The following XRN1 variants were observed in gnomAD, a reference collection of about 807,000 sequenced individuals.
XRN1 encodes the protein 5'-3' exoribonuclease 1.
In XRN1, 67 loss-of-function variants were observed where a neutral mutation model predicts 222.3. That is an observed-to-expected ratio of 0.30 (90% CI 0.25 to 0.37). The LOEUF is 0.37. Among genes scored for constraint, XRN1 ranks in the 10% least tolerant of loss-of-function variants. The pLI, the probability that XRN1 is intolerant of heterozygous loss-of-function variation, is 1.00. For missense variants in XRN1, 1,707 were observed against 2,000.2 expected, an observed-to-expected ratio of 0.85 and a Z score of 2.80; for synonymous variants, 643 against 652.4, an observed-to-expected ratio of 0.99 and a Z score of 0.22.
chr3:142,376,962 AG>A (rs1191295698), intron 23 of XRN1, among the ~76,000 whole-genome samples: 2 of 152,170 alleles, frequency 1.3e-5, no homozygotes, highest in African/African-American at 2.4e-5. Flanking sequence ...TATTCCAAGC[AG>A]GGCCTAGCAA....
intron 33 of XRN1, among the ~76,000 whole-genome samples, chr3:142,343,140 A>G (rs1027915836): frequency 1.3e-5 from 2 of 152,136 alleles, no homozygotes; most frequent in Non-Finnish European, 2.9e-5. Flanking sequence ...TTCTCAAAAC[A>G]AGAGGCATAA....
intron 27 of XRN1, among the ~76,000 whole-genome samples, chr3:142,368,811 A>G (rs1170388136): frequency 2.0e-5 from 3 of 152,220 alleles, no homozygotes; most frequent in Admixed American, 2.0e-4. Context: ...GACTATAATC[A>G]CAGCTCTTCA....
chr3:142,339,475 A>T (rs563121261), intron 33 of XRN1, among the ~76,000 whole-genome samples: 23 of 152,342 alleles, frequency 1.5e-4, no homozygotes, highest in Non-Finnish European at 2.9e-4. Context: ...ACAAGCCCAG[A>T]CTTTGAAGAC....
intron 33 of XRN1, among the ~76,000 whole-genome samples, chr3:142,342,729 T>C (rs1431387297): frequency 1.3e-5 from 2 of 152,060 alleles, no homozygotes; most frequent in Non-Finnish European, 2.9e-5. Flanking sequence ...TGGATATCCA[T>C]GTGCAGAAAA....
At chr3:142,312,890 C>T in intron 39 of XRN1, 132 bp from the exon 40 acceptor site, 1 of 966,640 alleles carries the variant, frequency 1.0e-6, no homozygotes, top group Non-Finnish European at 1.5e-6. Context: ...ACTTACTTCA[C>T]CTATAATTAC....
intron 1 of XRN1, among the ~76,000 whole-genome samples, chr3:142,436,240 T>A (rs1277951133): frequency 1.3e-5 from 2 of 152,164 alleles, no homozygotes; most frequent in South Asian, 2.1e-4. Flanking sequence ...AGACTGATGT[T>A]ACCCAGTATT....
intron 14 of XRN1, among the ~76,000 whole-genome samples, chr3:142,413,846 G>T (rs931641668): frequency 1.3e-5 from 2 of 152,180 alleles, no homozygotes; most frequent in Non-Finnish European, 2.9e-5. Flanking sequence ...GATTTTGTCG[G>T]TTTTAGCCTA....
intron 36 of XRN1, among the ~76,000 whole-genome samples, chr3:142,330,867 C>T (rs928660017): frequency 1.5e-4 from 23 of 152,040 alleles, no homozygotes; most frequent in South Asian, 6.2e-4. Flanking sequence ...AGTGTGATGG[C>T]GTGATCTTGG....
rs2067124681 is a variant in XRN1 at position 142,375,797 on chromosome 3, CCTCT to C, written c.2975_2978del (p.Arg993LeufsTer8). Reference sequence around the variant, plus strand: ...CTACTAGTATCTTATTATGTACTTACCTCTCTAAGTACTCTGCCAGAAGTTGTTC... The same window carrying C: ...CTACTAGTATCTTATTATGTACTTACCTAAGTACTCTGCCAGAAGTTGTTC... On this transcript the variant is annotated frameshift_variant and splice_region_variant, in exon 25 of 41. Transcript: ENST00000392981. LOFTEE classifies it high-confidence loss of function. 1 of 1,611,446 alleles carries C rather than the reference CCTCT, an allele frequency of 6.2e-7. No homozygotes were observed. The highest frequency in any genetic ancestry group is 8.5e-7 in the Non-Finnish European group (1 of 1,178,852).
intron 1 of XRN1, among the ~76,000 whole-genome samples, chr3:142,438,230 A>G (rs920670904): frequency 6.6e-6 from 1 of 152,174 alleles, no homozygotes; most frequent in African/African-American, 2.4e-5. Flanking sequence ...CAGGACTGCT[A>G]CATTGGGGAG....
chr3:142,329,007 C>T (rs1477869750), intron 37 of XRN1, among the ~76,000 whole-genome samples: 1 of 151,790 alleles, frequency 6.6e-6, no homozygotes, highest in Non-Finnish European at 1.5e-5. Context: ...TGTCCTCCCG[C>T]CTTGGCCTCC....
intron 15 of XRN1, among the ~76,000 whole-genome samples, chr3:142,411,612 C>G (rs1008282518): frequency 4.6e-5 from 7 of 151,806 alleles, no homozygotes; most frequent in African/African-American, 1.7e-4. Flanking sequence ...ATGCTCAGCT[C>G]CCATTATGAT....
intron 1 of XRN1, among the ~76,000 whole-genome samples, chr3:142,441,176 C>A (rs1015985493): frequency 3.3e-5 from 5 of 152,210 alleles, no homozygotes; most frequent in Admixed American, 6.5e-5. Flanking sequence ...ATGTATCCAG[C>A]CTATACTGCT....
intron 12 of XRN1, 77 bp from the exon 13 acceptor site, chr3:142,417,306 A>G (rs1225523670): frequency 1.8e-6 from 2 of 1,106,428 alleles, no homozygotes; most frequent in Non-Finnish European, 2.6e-6. Context: ...ATCTGCTGAT[A>G]CAACATTTTA....
At chr3:142,427,395 G>C (rs1042541957) in intron 2 of XRN1, among the ~76,000 whole-genome samples, 1 of 151,710 alleles carries the variant, frequency 6.6e-6, no homozygotes, top group African/African-American at 2.4e-5. Context: ...CATTTTAACA[G>C]AATGTTAAAA....
intron 40 of XRN1, 148 bp from the exon 41 acceptor site, chr3:142,311,961 T>G (rs2065088281): frequency 1.2e-6 from 1 of 840,782 alleles, no homozygotes; most frequent in Non-Finnish European, 1.8e-6. Flanking sequence ...AAGACTTTAG[T>G]AATTCAAAGG....
intron 36 of XRN1, among the ~76,000 whole-genome samples, chr3:142,332,019 G>A (rs1355106662): frequency 6.6e-6 from 1 of 152,104 alleles, no homozygotes; most frequent in Non-Finnish European, 1.5e-5. Context: ...TAAGAGATCC[G>A]CCTGCCTCAG....
At chr3:142,346,567 GC>G (rs1054410247) in intron 33 of XRN1, among the ~76,000 whole-genome samples, 3 of 150,446 alleles carry the variant, frequency 2.0e-5, no homozygotes, top group Non-Finnish European at 4.4e-5. Flanking sequence ...TGCAACCTCC[GC>G]CCCCCAGGCT....
chr3:142,439,197 T>G (rs1490908323), intron 1 of XRN1, among the ~76,000 whole-genome samples: 1 of 152,202 alleles, frequency 6.6e-6, no homozygotes, highest in Non-Finnish European at 1.5e-5. Flanking sequence ...TGGAGAGATA[T>G]AATGTTACTG....
Sources: gnomAD v4.1 joint callset for allele counts (sites outside exome capture counted in the v4.1 genomes callset) on GRCh38, gnomAD v4.1.1 for gene constraint, MANE v1.5 for transcripts, NCBI Gene and HGNC (gene_info 2026-07-23, HGNC 2026-07-21) for gene names.